Variants in IL1R2 observed in about 807,000 individuals in gnomAD.
IL1R2 encodes interleukin-1 receptor type 2.
Under a neutral mutation model 39.5 loss-of-function variants are expected in IL1R2, and 46 were observed. The observed-to-expected ratio is 1.16, with a 90% CI of 0.92 to 1.49. IL1R2 has a LOEUF of 1.49. Among genes scored for constraint, IL1R2 ranks in the 40% most tolerant of loss-of-function variants. IL1R2 has a pLI of 0.00. For missense variants in IL1R2, 537 were observed against 502.0 expected (o/e 1.07, Z -0.67); for synonymous variants, 207 against 189.6 (o/e 1.09, Z -0.75).
intron 4 of IL1R2, 110 bp downstream of exon 4, chr2:102,016,161 G>A (rs1053628875): frequency 5.4e-5 from 42 of 780,276 alleles, no homozygotes; most frequent in African/African-American, 1.2e-4. Flanking sequence ...ACACACACAC[G>A]CACAAACACA....
In IL1R2 at chr2:102,022,223, C is replaced by T. The variant is rs758651036; in HGVS notation, c.725C>T (p.Pro242Leu). The part of the protein sequence containing the change: ...KEETIPVIIS[P>L]LKTISASLGS... ...GAGACCATTCCTGTGATCATTTCCC[C>T]CCTCAAGACCATATCAGCTTCTCTG... The change falls in exon 6 of 9, where the codon CCC becomes CTC. Residue 242 changes from proline to leucine, a missense_variant. By Grantham distance (98) the Pro-to-Leu change is moderately conservative. Transcript: ENST00000332549. 4 of 1,613,716 alleles carry T rather than the reference C, an allele frequency of 2.5e-6. No homozygotes were observed. Among genetic ancestry groups the T allele is most frequent in the Non-Finnish European group, 3.4e-6 (4 of 1,179,706 alleles).
intron 1 of IL1R2, among the ~76,000 whole-genome samples, chr2:101,994,273 GT>G (rs1351799408): frequency 6.6e-6 from 1 of 152,032 alleles, no homozygotes; most frequent in Non-Finnish European, 1.5e-5. Context: ...TCCAAAGCCT[GT>G]TTGACAATTA....
In IL1R2 at chr2:102,019,667, G is replaced by T; in HGVS notation, c.543G>T (p.Glu181Asp). 1 of 1,612,446 alleles carries T rather than the reference G, an allele frequency of 6.2e-7. No individual in the cohort carries two copies. The highest frequency in any genetic ancestry group is 8.5e-7 in the Non-Finnish European group (1 of 1,179,442). The change falls in exon 5 of 9, where the codon GAG (glutamate) becomes GAT (aspartate). Residue 181 changes from glutamate (E) to aspartate (D), a missense_variant. Physicochemically the swap from Glu to Asp is conservative, Grantham distance 45 (BLOSUM62 2). Transcript: ENST00000332549. ...KDSLLLDKDN[E>D]KFLSVRGTTH... ...CTCTTCTTTTGGATAAAGACAATGAGAAATTTCTAAGTGTGAGGGGGACCA... is the reference window on the plus strand; with the variant it reads ...CTCTTCTTTTGGATAAAGACAATGATAAATTTCTAAGTGTGAGGGGGACCA...
chr2:102,022,466 A>G (rs1289694090), intron 6 of IL1R2, among the ~76,000 whole-genome samples: 1 of 152,218 alleles, frequency 6.6e-6, no homozygotes, highest in Non-Finnish European at 1.5e-5. Context: ...CATAATCTGA[A>G]AACAGGTATA....
intron 3 of IL1R2, among the ~76,000 whole-genome samples, chr2:102,010,560 A>G (rs1352057846): frequency 6.9e-6 from 1 of 145,576 alleles, no homozygotes; most frequent in Non-Finnish European, 1.5e-5. Flanking sequence ...TGGGCGACTG[A>G]GCGAGACTCT....
intron 1 of IL1R2, among the ~76,000 whole-genome samples, chr2:102,008,173 G>A (rs752588176): frequency 8.5e-4 from 129 of 152,314 alleles, no homozygotes; most frequent in African/African-American, 2.8e-3. Context: ...AGTGAAGTCC[G>A]AGCAGAAAGG....
intron 1 of IL1R2, among the ~76,000 whole-genome samples, chr2:101,996,511 G>A (rs945351500): frequency 8.3e-5 from 11 of 133,068 alleles, no homozygotes; most frequent in Non-Finnish European, 1.6e-4. Context: ...TTTTTGGGGG[G>A]GAGAATGGCT....
chr2:102,020,834 T>C (rs1430087095), intron 5 of IL1R2, among the ~76,000 whole-genome samples: 1 of 152,160 alleles, frequency 6.6e-6, no homozygotes, highest in East Asian at 1.9e-4. Context: ...GTTGTGATCC[T>C]CCCAGGATCT....
intron 4 of IL1R2, among the ~76,000 whole-genome samples, chr2:102,018,966 T>C (rs1677185502): frequency 6.6e-6 from 1 of 152,242 alleles, no homozygotes; most frequent in South Asian, 2.1e-4. Flanking sequence ...TATATTTGAC[T>C]GTTGCAAACG....
intron 3 of IL1R2, among the ~76,000 whole-genome samples, chr2:102,014,216 T>G (rs1323979765): frequency 1.3e-5 from 2 of 152,242 alleles, no homozygotes; most frequent in Non-Finnish European, 2.9e-5. Context: ...GCTTCCCATT[T>G]TGGTTTGACC....
At chr2:102,014,162 GGGTA>G (rs1206490300) in intron 3 of IL1R2, among the ~76,000 whole-genome samples, 1 of 152,176 alleles carries the variant, frequency 6.6e-6, no homozygotes, top group Non-Finnish European at 1.5e-5. Flanking sequence ...TAGTACTTAT[GGGTA>G]CTGAAGATAG....
chr2:101,997,253 G>C (rs943874137), intron 1 of IL1R2, among the ~76,000 whole-genome samples: 2 of 152,178 alleles, frequency 1.3e-5, no homozygotes, highest in Non-Finnish European at 2.9e-5. Flanking sequence ...CTCCATCCGA[G>C]GTCACCCCGC....
At chr2:102,008,217 T>C (rs1676382567) in intron 1 of IL1R2, among the ~76,000 whole-genome samples, 1 of 152,216 alleles carries the variant, frequency 6.6e-6, no homozygotes, top group African/African-American at 2.4e-5. Context: ...GGAAGCAGCA[T>C]CTCTGGCCAA....
intron 1 of IL1R2, among the ~76,000 whole-genome samples, chr2:102,002,463 C>CTG (rs1559412539): frequency 1.3e-3 from 186 of 143,150 alleles, no homozygotes; most frequent in Non-Finnish European, 2.1e-3. Context: ...GTCTATGTCT[C>CTG]TGTCTGTGTC....
chr2:102,021,696 C>A (rs886348529), intron 5 of IL1R2, among the ~76,000 whole-genome samples: 3 of 152,244 alleles, frequency 2.0e-5, no homozygotes. Context: ...ATTAACAAGG[C>A]CTCTGTGGCC....
At chr2:102,015,430 C>T (rs966677216) in intron 3 of IL1R2, among the ~76,000 whole-genome samples, 3 of 152,130 alleles carry the variant, frequency 2.0e-5, no homozygotes, top group East Asian at 1.9e-4. Context: ...AGATGTTCCT[C>T]GACTTACAAT....
chr2:102,025,359 G>C (rs889065856), intron 7 of IL1R2, among the ~76,000 whole-genome samples: 8 of 152,168 alleles, frequency 5.3e-5, no homozygotes, highest in African/African-American at 1.7e-4. Context: ...GATCTTTCTG[G>C]ATGTAATTTA....
intron 8 of IL1R2, among the ~76,000 whole-genome samples, chr2:102,026,993 C>G (rs755857728): frequency 6.6e-6 from 1 of 152,162 alleles, no homozygotes; most frequent in Non-Finnish European, 1.5e-5. Context: ...GAGGCAGCCA[C>G]AAACACAGTG....
chr2:102,022,676 C>T (rs1677476536), intron 6 of IL1R2, among the ~76,000 whole-genome samples: 1 of 152,194 alleles, frequency 6.6e-6, no homozygotes. Context: ...GTAAAGTGGG[C>T]TCAGCTGTGG....
Sources: allele counts gnomAD v4.1 joint callset (sites outside exome capture counted in the v4.1 genomes callset), GRCh38; gene constraint gnomAD v4.1.1; transcripts MANE v1.5; gene names NCBI Gene and HGNC (gene_info 2026-07-23, HGNC 2026-07-21).